DMD: variants seen among roughly 807,000 people sequenced by gnomAD.
The protein encoded by DMD is mutant dystrophin.
A neutral mutation model predicts 330.1 loss-of-function variants in DMD; 63 were observed. The ratio of observed to expected loss-of-function variants is 0.19; its 90% confidence interval spans 0.16 to 0.24. DMD has a LOEUF of 0.24. DMD is among the 10% of genes least tolerant of loss of function. The probability of loss-of-function intolerance (pLI) is 1.00; values close to 1 mark genes in which losing one functional copy is unlikely to be tolerated. For missense variants in DMD, 3,344 were observed against 2,684.1 expected (o/e 1.25, Z -5.43); for synonymous variants, 1,223 against 959.8 (o/e 1.27, Z -5.07).
intron 47 of DMD, among the ~76,000 whole-genome samples, chrX:31,905,820 A>G (rs1172004120): frequency 8.9e-6 from 1 of 112,389 alleles, no homozygotes; most frequent in African/African-American, 3.2e-5. Context: ...TGCACAGTTT[A>G]GAAATGACGA....
chrX:32,564,136 C>T (rs774305827), intron 16 of DMD, among the ~76,000 whole-genome samples: 1 of 111,414 alleles, frequency 9.0e-6, no homozygotes, highest in South Asian at 3.7e-4. Context: ...ATGAGATTTT[C>T]TGAGCAAAAT....
intron 2 of DMD, among the ~76,000 whole-genome samples, chrX:32,865,805 C>A (rs1026616013): frequency 1.8e-5 from 2 of 112,521 alleles, no homozygotes; most frequent in African/African-American, 6.5e-5. Context: ...AAATATTTGG[C>A]AAGGAAGCCA....
chrX:31,540,710 G>A (rs970892091), intron 55 of DMD, among the ~76,000 whole-genome samples: 1 of 111,743 alleles, frequency 8.9e-6, no homozygotes, highest in African/African-American at 3.3e-5. Context: ...AGGAAACCAA[G>A]GAGTTCTTAT....
intron 41 of DMD, among the ~76,000 whole-genome samples, chrX:32,337,364 C>A (rs764087630): frequency 9.2e-6 from 1 of 108,275 alleles, no homozygotes; most frequent in Admixed American, 1.0e-4. Flanking sequence ...TTGAGATGCT[C>A]ATTAGGCATC....
intron 44 of DMD, among the ~76,000 whole-genome samples, chrX:32,091,751 A>G (rs1603624742): frequency 8.9e-6 from 1 of 111,908 alleles, no homozygotes; most frequent in African/African-American, 3.2e-5. Context: ...ATTTTTAAAA[A>G]TATTATTCAC....
chrX:33,143,179 A>G (rs2047879105), intron 1 of DMD, among the ~76,000 whole-genome samples: 1 of 111,399 alleles, frequency 9.0e-6, no homozygotes, highest in South Asian at 3.7e-4. Flanking sequence ...AAATTTTTAT[A>G]TATATTAACT....
intron 44 of DMD, among the ~76,000 whole-genome samples, chrX:32,125,525 G>A (rs1041676059): frequency 1.8e-5 from 2 of 111,663 alleles, no homozygotes; most frequent in Non-Finnish European, 3.8e-5. Flanking sequence ...AGGGGGGTAT[G>A]TATATAAGAC....
At chrX:31,718,970 G>C (rs1446738654) in intron 52 of DMD, among the ~76,000 whole-genome samples, 3 of 111,517 alleles carry the variant, frequency 2.7e-5, no homozygotes, top group African/African-American at 9.8e-5. Context: ...GTCACTAAGG[G>C]GGCAGAGCCA....
At chrX:31,891,701 G>A (rs148785275) in intron 47 of DMD, among the ~76,000 whole-genome samples, 17 of 111,291 alleles carry the variant, frequency 1.5e-4, no homozygotes, top group African/African-American at 5.2e-4. Context: ...TTAAGTAGTC[G>A]TGGCAGAGAC....
chrX:31,172,553 G>C, intron 72 of DMD, 140 bp from the exon 73 acceptor site: 1 of 543,109 alleles, frequency 1.8e-6, no homozygotes, highest in Non-Finnish European at 3.2e-6. Flanking sequence ...GGATGTGTGT[G>C]TTGGCTTAAC....
chrX:31,836,682 T>C, intron 49 of DMD, 36 bp downstream of exon 49: 1 of 1,032,092 alleles, frequency 9.7e-7, no homozygotes, highest in Non-Finnish European at 1.4e-6. Flanking sequence ...TAACCCATTA[T>C]GAGGTAATGG....
intron 11 of DMD, among the ~76,000 whole-genome samples, chrX:32,640,571 T>C (rs12013851): frequency 0.13 from 14,468 of 110,220 alleles, 2,309 homozygotes; most frequent in African/African-American, 0.45. Flanking sequence ...GGGCACAAAT[T>C]GAAGCAGTCT....
chrX:32,622,914 T>C (rs1048812933), intron 11 of DMD, among the ~76,000 whole-genome samples: 1 of 111,811 alleles, frequency 8.9e-6, no homozygotes, highest in African/African-American at 3.3e-5. Context: ...TGGATCACAC[T>C]TTGAATGACA....
intron 47 of DMD, among the ~76,000 whole-genome samples, chrX:31,901,318 G>A (rs753666093): frequency 9.0e-6 from 1 of 111,481 alleles, no homozygotes; most frequent in African/African-American, 3.3e-5. Flanking sequence ...CTATTCAGGA[G>A]GAATCCTACC....
At position 32,443,070 on chromosome X, in the gene DMD, T is replaced by A. The variant is rs142568789; in HGVS notation, c.3787-1756A>T. 2.3e-3 allele frequency among the ~76,000 whole-genome samples: 255 copies of A among 110,769 alleles called. 3 individuals are homozygous for A. The South Asian group carries it at 0.05, about 22-fold the overall frequency. On this transcript the variant is annotated intron_variant, in intron 27 of 78. Transcript: ENST00000357033. ...AGGATAAGAATGTAACAACGGTCAT[T>A]TTCTGTTAGCTTTGTAACTGTTGAA...
At chrX:33,151,274 G>A (rs1333894851) in intron 1 of DMD, among the ~76,000 whole-genome samples, 1 of 112,444 alleles carries the variant, frequency 8.9e-6, no homozygotes, top group Non-Finnish European at 1.9e-5. Flanking sequence ...AAATGCCAGA[G>A]TCAGGTAGTA....
At chrX:32,372,413 G>T (rs773146055) in intron 34 of DMD, among the ~76,000 whole-genome samples, 1 of 111,649 alleles carries the variant, frequency 9.0e-6, no homozygotes, top group Non-Finnish European at 1.9e-5. Flanking sequence ...AGGAACTTGT[G>T]CAGTTCCAGT....
At chrX:31,588,130 G>C (rs192489099) in intron 55 of DMD, among the ~76,000 whole-genome samples, 61 of 111,556 alleles carry the variant, frequency 5.5e-4, no homozygotes, top group African/African-American at 2.0e-3. Flanking sequence ...CATGCCCAGC[G>C]TTTACTCTGT....
intron 62 of DMD, among the ~76,000 whole-genome samples, chrX:31,311,903 A>T (rs1008878856): frequency 8.9e-6 from 1 of 111,746 alleles, no homozygotes; most frequent in Non-Finnish European, 1.9e-5. Flanking sequence ...CTCTAGCCAT[A>T]TGCAGAAAAC....
Sources: gnomAD v4.1 joint callset for allele counts (sites outside exome capture counted in the v4.1 genomes callset) on GRCh38, gnomAD v4.1.1 for gene constraint, MANE v1.5 for transcripts, NCBI Gene and HGNC (gene_info 2026-07-23, HGNC 2026-07-21) for gene names.